Variants in IGSF10 observed in about 807,000 individuals in gnomAD.
IGSF10 encodes the protein calvaria mechanical force protein 608.
In IGSF10, 126 loss-of-function variants were observed where a neutral mutation model predicts 128.2. The observed-to-expected ratio is 0.98, with a 90% confidence interval of 0.85 to 1.14. The LOEUF is 1.14. Ranked by LOEUF, IGSF10 falls within the 50% of genes most tolerant of loss-of-function variation. IGSF10 has a pLI of 0.00. For missense variants in IGSF10, 3,295 were observed against 3,149.8 expected, an observed-to-expected ratio of 1.05 and a Z score of -1.10; for synonymous variants, 1,185 against 1,146.2, an observed-to-expected ratio of 1.03 and a Z score of -0.68.
At chr3:151,461,956 G>T (rs1226899306), upstream of IGSF10, among the ~76,000 whole-genome samples, 1 of 152,094 alleles carries the variant, frequency 6.6e-6, no homozygotes, top group African/African-American at 2.4e-5. Context: ...GTATATAGAT[G>T]TCTCAGAGGA....
At chr3:151,450,295 T>C (rs1721450115) in intron 5 of IGSF10, among the ~76,000 whole-genome samples, 2 of 152,238 alleles carry the variant, frequency 1.3e-5, no homozygotes, top group African/African-American at 4.8e-5. Context: ...ACATCCATGC[T>C]GTTCCATATA....
At chr3:151,479,094 T>G in the IGSF10 span, among the ~76,000 whole-genome samples, 1 of 152,208 alleles carries the variant, frequency 6.6e-6, no homozygotes, top group African/African-American at 2.4e-5. Flanking sequence ...CAAGATATTT[T>G]CAAATCCTGT....
chr3:151,540,250 G>A, the IGSF10 span, among the ~76,000 whole-genome samples: 2 of 151,986 alleles, frequency 1.3e-5, no homozygotes, highest in South Asian at 2.1e-4. Context: ...ACACTAGATC[G>A]AAAAACAGAA....
the IGSF10 span, among the ~76,000 whole-genome samples, chr3:151,496,572 C>G: frequency 3.1e-3 from 103 of 33,470 alleles, 2 homozygotes; most frequent in African/African-American, 0.017. Flanking sequence ...TTAATCCAGT[C>G]TATCATTGTT....
chr3:151,556,790 A>G, the IGSF10 span, among the ~76,000 whole-genome samples: 1 of 152,082 alleles, frequency 6.6e-6, no homozygotes, highest in African/African-American at 2.4e-5. Context: ...CATAGGGAGG[A>G]TAAGTTCCTG....
the IGSF10 span, among the ~76,000 whole-genome samples, chr3:151,492,391 C>T: frequency 6.6e-6 from 1 of 152,070 alleles, no homozygotes; most frequent in Non-Finnish European, 1.5e-5. Flanking sequence ...AAAGGAAACC[C>T]CAACACACTG....
At chr3:151,452,495 T>C (rs1317035419) in intron 5 of IGSF10, among the ~76,000 whole-genome samples, 1 of 152,158 alleles carries the variant, frequency 6.6e-6, no homozygotes. Context: ...CACTAGGCAA[T>C]AGTTTTATTT....
the IGSF10 span, among the ~76,000 whole-genome samples, chr3:151,595,782 G>A: frequency 5.3e-5 from 8 of 150,614 alleles, no homozygotes; most frequent in Admixed American, 5.3e-4. Context: ...GTGGTTACTA[G>A]GGGAAGGAGA....
chr3:151,593,121 A>T, the IGSF10 span, among the ~76,000 whole-genome samples: 2 of 152,118 alleles, frequency 1.3e-5, no homozygotes, highest in Non-Finnish European at 2.9e-5. Flanking sequence ...AATGGTTCTA[A>T]TTAATTATTT....
rs1343488081 is a variant in IGSF10 at position 151,446,057 on chromosome 3, T to C, written c.3924A>G (p.Thr1308=). ...LPSIISKDSS[T]KSIISTQTAI... The stretch of plus-strand genomic sequence containing the variant: ...CTGTTTGCGTTGATATGATGCTTTT[T>C]GTACTTGAGTCTTTGCTTATAATAC... The change falls in exon 6 of 8, where the codon ACA becomes ACG. Residue 1308 remains threonine (T), a synonymous_variant. Coordinates refer to ENST00000282466, the MANE Select transcript of IGSF10 (RefSeq NM_178822.5). 1.2e-6 allele frequency: 2 copies of C among 1,614,142 alleles called. No homozygotes were observed. Among genetic ancestry groups the C allele is most frequent in the Middle Eastern group, 1.6e-4 (1 of 6,062 alleles).
the IGSF10 span, among the ~76,000 whole-genome samples, chr3:151,612,853 G>T: frequency 6.6e-6 from 1 of 152,110 alleles, no homozygotes; most frequent in Non-Finnish European, 1.5e-5. Context: ...ATGAAAAAAA[G>T]CTCAACACAA....
rs1375531363 is a variant in IGSF10 at position 151,443,507 on chromosome 3, C to T, written c.5440G>A (p.Asp1814Asn). The T allele has an allele frequency of 6.2e-7, 1 of 1,614,206 alleles. No individual in the cohort carries two copies. The highest frequency in any genetic ancestry group is 1.7e-5 in the Admixed American group (1 of 60,026). The stretch of plus-strand genomic sequence containing the variant: ...GCCACACATTTGTAAAAGCCACGGT[C>T]ATAAATACTGAGATTGTGGAGGACC... The part of the protein sequence containing the change: ...TLVLHNLSIY[D>N]RGFYKCVASN... The change falls in exon 7 of 8, where the codon GAC (aspartate) becomes AAC (asparagine). Residue 1814 changes from aspartate (D) to asparagine (N), a missense_variant. Coordinates refer to ENST00000282466, the MANE Select transcript of IGSF10 (RefSeq NM_178822.5).
At chr3:151,517,968 C>T in the IGSF10 span, among the ~76,000 whole-genome samples, 184 of 152,000 alleles carry the variant, frequency 1.2e-3, no homozygotes, top group Non-Finnish European at 2.0e-3. Context: ...TCTGTTATTT[C>T]CTAGTGGGTT....
the IGSF10 span, among the ~76,000 whole-genome samples, chr3:151,619,468 GTGTGTA>G: frequency 8.7e-4 from 123 of 141,840 alleles, no homozygotes; most frequent in Non-Finnish European, 1.5e-3. Flanking sequence ...GTGTGTGTGT[GTGTGTA>G]TGTAGTGGAA....
chr3:151,567,878 C>T, the IGSF10 span, among the ~76,000 whole-genome samples: 44 of 152,188 alleles, frequency 2.9e-4, 1 homozygote, highest in African/African-American at 9.6e-4. Context: ...CTTCCACAAG[C>T]GACTTCCCTG....
the IGSF10 span, among the ~76,000 whole-genome samples, chr3:151,498,992 T>G: frequency 1.3e-5 from 2 of 152,274 alleles, 1 homozygote; most frequent in South Asian, 4.1e-4. Context: ...AATGTTTACC[T>G]TTAAAATTCT....
At chr3:151,526,675 TG>T in the IGSF10 span, among the ~76,000 whole-genome samples, 1 of 152,232 alleles carries the variant, frequency 6.6e-6, no homozygotes, top group Non-Finnish European at 1.5e-5. Flanking sequence ...CTTTCCTTGA[TG>T]TTTTTCTCAT....
chr3:151,432,958 G>A (rs1719702368), downstream of IGSF10: 2 of 575,916 alleles, frequency 3.5e-6, no homozygotes, highest in South Asian at 2.7e-5. Context: ...AAAAAAAGGT[G>A]TTTAAACAAA....
At chr3:151,483,705 A>G in the IGSF10 span, among the ~76,000 whole-genome samples, 1 of 152,174 alleles carries the variant, frequency 6.6e-6, no homozygotes, top group Non-Finnish European at 1.5e-5. Flanking sequence ...AGGAAGCACA[A>G]GGGTCAGGGA....
Sources: gnomAD v4.1 joint callset for allele counts (sites outside exome capture counted in the v4.1 genomes callset) on GRCh38, gnomAD v4.1.1 for gene constraint, MANE v1.5 for transcripts, NCBI Gene and HGNC (gene_info 2026-07-23, HGNC 2026-07-21) for gene names.